STXBP5L: variants seen among roughly 807,000 people sequenced by gnomAD.
The protein encoded by STXBP5L is syntaxin-binding protein 5-like.
In STXBP5L, 65 loss-of-function variants were observed where a neutral mutation model predicts 144.5. The ratio of observed to expected loss-of-function variants is 0.45; its 90% CI spans 0.37 to 0.55. The LOEUF (loss-of-function observed/expected upper bound fraction) is 0.55, where lower values mean the gene tolerates loss of function less well. Among genes scored for constraint, STXBP5L ranks in the 20% least tolerant of loss-of-function variants. The probability of loss-of-function intolerance (pLI) is 0.00; values close to 1 mark genes in which losing one functional copy is unlikely to be tolerated. For missense variants in STXBP5L, 1,298 were observed against 1,405.5 expected (o/e 0.92, Z 1.22); for synonymous variants, 505 against 469.6 (o/e 1.08, Z -0.97).
chr3:120,961,338 A>G (rs1207189557), intron 3 of STXBP5L, among the ~76,000 whole-genome samples: 1 of 151,418 alleles, frequency 6.6e-6, no homozygotes, highest in Admixed American at 6.6e-5. Context: ...GGTTTGATAC[A>G]TAGGTATACG....
chr3:121,121,315 A>G (rs558903146), intron 6 of STXBP5L, among the ~76,000 whole-genome samples: 1 of 151,306 alleles, frequency 6.6e-6, no homozygotes, highest in Non-Finnish European at 1.5e-5. Flanking sequence ...GTGTTCTTTT[A>G]TCTATGTAAA....
chr3:121,179,395 G>GA (rs531882658), intron 9 of STXBP5L, among the ~76,000 whole-genome samples: 3 of 152,068 alleles, frequency 2.0e-5, no homozygotes, highest in South Asian at 2.1e-4. Flanking sequence ...CCATAAGAGG[G>GA]AAAAAAAGTA....
At chr3:121,300,354 A>G (rs1178470782) in intron 19 of STXBP5L, among the ~76,000 whole-genome samples, 1 of 152,208 alleles carries the variant, frequency 6.6e-6, no homozygotes, top group African/African-American at 2.4e-5. Flanking sequence ...AAAGCACTGG[A>G]AATAATAAAT....
intron 5 of STXBP5L, among the ~76,000 whole-genome samples, chr3:121,075,912 G>A (rs1019775669): frequency 2.0e-5 from 3 of 152,202 alleles, no homozygotes; most frequent in African/African-American, 7.2e-5. Context: ...TAACTCTACA[G>A]TGCTCTTCTG....
chr3:121,076,351 G>T (rs1481998782), intron 5 of STXBP5L, among the ~76,000 whole-genome samples: 1 of 152,144 alleles, frequency 6.6e-6, no homozygotes, highest in Admixed American at 6.5e-5. Flanking sequence ...TTGGTGCATA[G>T]GGGGGTGGAC....
intron 7 of STXBP5L, among the ~76,000 whole-genome samples, chr3:121,151,736 A>G (rs1164975939): frequency 6.6e-6 from 1 of 151,980 alleles, no homozygotes; most frequent in Non-Finnish European, 1.5e-5. Flanking sequence ...TTCCCTAACC[A>G]ATGATAGGTT....
chr3:120,961,413 T>C (rs752671263), intron 3 of STXBP5L, among the ~76,000 whole-genome samples: 13 of 152,084 alleles, frequency 8.5e-5, no homozygotes, highest in African/African-American at 2.4e-4. Context: ...CCTAATGCTA[T>C]CCCTCCCCCA....
intron 19 of STXBP5L, among the ~76,000 whole-genome samples, chr3:121,304,657 G>C (rs938045188): frequency 2.8e-4 from 42 of 151,986 alleles, no homozygotes; most frequent in African/African-American, 9.7e-4. Context: ...AAATATTTTT[G>C]AACTGAGTGA....
At chr3:121,207,234 G>T (rs2048370154) in intron 10 of STXBP5L, among the ~76,000 whole-genome samples, 1 of 152,074 alleles carries the variant, frequency 6.6e-6, no homozygotes, top group Non-Finnish European at 1.5e-5. Flanking sequence ...AATGGGGAAA[G>T]GATTCCCTAT....
At position 120,909,655 on chromosome 3, in the gene STXBP5L, G is replaced by A; in HGVS notation, c.77G>A (p.Ser26Asn). Residue 26 changes from serine (S) to asparagine (N), a missense_variant, in exon 2 of 27, where the codon AGT (serine) becomes AAT (asparagine). Physicochemically the swap from Ser to Asn is conservative, Grantham distance 46 (BLOSUM62 1). Transcript: ENST00000471454. Reference protein sequence around the residue: ...SSPGSGSSSGSNSGGGAGSGS... With the variant: ...SSPGSGSSSGNNSGGGAGSGS... Reference sequence around the variant, plus strand: ...CCTGGCAGTGGTAGCAGCAGTGGCAGTAACAGTGGTGGTGGGGCTGGAAGT... The same window carrying A: ...CCTGGCAGTGGTAGCAGCAGTGGCAATAACAGTGGTGGTGGGGCTGGAAGT... 6.2e-7 allele frequency: 1 copy of A among 1,613,780 alleles called. No homozygotes were observed. The highest frequency in any genetic ancestry group is 1.1e-5 in the South Asian group (1 of 91,048).
intron 5 of STXBP5L, among the ~76,000 whole-genome samples, chr3:121,060,880 G>T (rs1003161251): frequency 6.6e-6 from 1 of 151,884 alleles, no homozygotes; most frequent in Non-Finnish European, 1.5e-5. Context: ...TATTAGTCTG[G>T]CTAGCGGTCT....
intron 9 of STXBP5L, among the ~76,000 whole-genome samples, chr3:121,195,703 C>T (rs755890245): frequency 2.6e-5 from 4 of 152,174 alleles, no homozygotes; most frequent in Non-Finnish European, 4.4e-5. Flanking sequence ...CATCCAAGGA[C>T]GAAGTCAGTG....
intron 18 of STXBP5L, among the ~76,000 whole-genome samples, chr3:121,273,197 C>G (rs2050779680): frequency 6.6e-6 from 1 of 151,966 alleles, no homozygotes; most frequent in Non-Finnish European, 1.5e-5. Flanking sequence ...TAAGACAGGT[C>G]TAGTGGTGAT....
At chr3:121,038,759 A>G (rs1389212302) in intron 3 of STXBP5L, among the ~76,000 whole-genome samples, 1 of 151,768 alleles carries the variant, frequency 6.6e-6, no homozygotes, top group Non-Finnish European at 1.5e-5. Flanking sequence ...TGTATTATGT[A>G]TTTTAAGCTC....
At chr3:121,395,602 G>A (rs2046708876) in intron 22 of STXBP5L, among the ~76,000 whole-genome samples, 1 of 152,150 alleles carries the variant, frequency 6.6e-6, no homozygotes, top group Non-Finnish European at 1.5e-5. Flanking sequence ...GAAAGCATGT[G>A]CAACTGCATC....
At position 121,259,053 on chromosome 3, in the gene STXBP5L, C is replaced by G. The variant is rs759435411; in HGVS notation, c.1843C>G (p.Arg615Gly). Residue 615 changes from arginine to glycine, a missense_variant, in exon 18 of 27, where the codon CGG (arginine) becomes GGG (glycine). Arg to Gly is a moderately radical substitution (Grantham distance 125). Transcript: ENST00000471454. ...TTTTTGTTCTTAAAGTGTGAAGACA[C>G]GGCCAGTGCGAATGCCTCCAGGATA... ...DSIPCLNVKT[R>G]PVRMPPGYQA... The G allele has an allele frequency of 1.4e-5, 22 of 1,596,304 alleles. No homozygotes were observed. In the South Asian group the frequency reaches 1.7e-4, roughly 12 times the overall value.
intron 9 of STXBP5L, among the ~76,000 whole-genome samples, chr3:121,197,310 A>G (rs992203720): frequency 6.6e-6 from 1 of 152,106 alleles, no homozygotes; most frequent in African/African-American, 2.4e-5. Context: ...CAGTCATACT[A>G]TATCTTCCTT....
chr3:121,179,560 C>T (rs2047061735), intron 9 of STXBP5L, among the ~76,000 whole-genome samples: 1 of 152,148 alleles, frequency 6.6e-6, no homozygotes, highest in Non-Finnish European at 1.5e-5. Context: ...CACACTAGCT[C>T]TCCAGCAATG....
chr3:121,149,230 T>G (rs532504962), intron 7 of STXBP5L, among the ~76,000 whole-genome samples: 1 of 152,176 alleles, frequency 6.6e-6, no homozygotes, highest in East Asian at 1.9e-4. Flanking sequence ...GTGTACATTA[T>G]ATATATTTCA....
Sources: gnomAD v4.1 joint callset for allele counts (sites outside exome capture counted in the v4.1 genomes callset) on GRCh38, gnomAD v4.1.1 for gene constraint, MANE v1.5 for transcripts, NCBI Gene and HGNC (gene_info 2026-07-23, HGNC 2026-07-21) for gene names.